Variants in NMNAT3 observed in about 807,000 individuals in gnomAD.
The protein encoded by NMNAT3 is nicotinamide/nicotinic acid mononucleotide adenylyltransferase 3.
In NMNAT3, 21 loss-of-function variants were observed where a neutral mutation model predicts 24.8. The ratio of observed to expected loss-of-function variants is 0.85; its 90% confidence interval spans 0.60 to 1.22. The LOEUF (loss-of-function observed/expected upper bound fraction) is 1.22, where lower values mean the gene tolerates loss of function less well. NMNAT3 is among the 50% of genes most tolerant of loss of function. NMNAT3 has a pLI of 0.00. For synonymous variants in NMNAT3, 136 were observed against 155.2 expected, an observed-to-expected ratio of 0.88 and a Z score of 0.92; for missense variants, 387 against 436.6, an observed-to-expected ratio of 0.89 and a Z score of 1.01.
At chr3:139,631,768 T>C (rs1397420617) in intron 2 of NMNAT3, among the ~76,000 whole-genome samples, 2 of 152,118 alleles carry the variant, frequency 1.3e-5, no homozygotes, top group Non-Finnish European at 2.9e-5. Flanking sequence ...GCCATCCTGA[T>C]GATCTGCCTT....
intron 1 of NMNAT3, among the ~76,000 whole-genome samples, chr3:139,651,812 C>T (rs535692971): frequency 6.6e-6 from 1 of 152,296 alleles, no homozygotes; most frequent in South Asian, 2.1e-4. Flanking sequence ...CCTATTAAAG[C>T]TTCTCCCAGC....
intron 3 of NMNAT3, among the ~76,000 whole-genome samples, chr3:139,616,120 C>T (rs1253833202): frequency 6.6e-6 from 1 of 152,192 alleles, no homozygotes; most frequent in African/African-American, 2.4e-5. Context: ...ACCACTGCTT[C>T]AACAAAGCCA....
intron 1 of NMNAT3, among the ~76,000 whole-genome samples, chr3:139,642,863 A>G (rs1559944357): frequency 6.6e-6 from 1 of 152,066 alleles, no homozygotes; most frequent in African/African-American, 2.4e-5. Flanking sequence ...GGTGACTTAA[A>G]AAACCTGAAT....
At chr3:139,675,413 T>A (rs1310643302) in intron 1 of NMNAT3, among the ~76,000 whole-genome samples, 1 of 152,120 alleles carries the variant, frequency 6.6e-6, no homozygotes, top group East Asian at 1.9e-4. Context: ...TAGAGACACA[T>A]CATCAAAAAG....
chr3:139,674,904 T>C (rs1333411176), intron 1 of NMNAT3, among the ~76,000 whole-genome samples: 2 of 152,214 alleles, frequency 1.3e-5, no homozygotes, highest in Non-Finnish European at 2.9e-5. Context: ...CTTATCTTGC[T>C]TAATGCTCCT....
chr3:139,659,989 C>T lies in NMNAT3; in HGVS notation c.-141+17716G>A, dbSNP rs189862012. Among the ~76,000 whole-genome samples the T allele has an allele frequency of 1.7e-3, 252 of 152,316 alleles. 1 individual carries two copies. The highest frequency in any genetic ancestry group is 2.1e-3 in the Non-Finnish European group (145 of 68,016). On this transcript the variant is annotated intron_variant, in intron 1 of 6. Transcript: ENST00000643695. Reference sequence around the variant, plus strand: ...AGCAACTTGGGTCTTAACAAGCCCTCTTGGTGGTTCTATTTCTTGAAGTTT... The same window carrying T: ...AGCAACTTGGGTCTTAACAAGCCCTTTTGGTGGTTCTATTTCTTGAAGTTT...
chr3:139,606,510 G>A (rs1456080328), intron 3 of NMNAT3, among the ~76,000 whole-genome samples: 1 of 152,140 alleles, frequency 6.6e-6, no homozygotes. Flanking sequence ...CTCCACATAA[G>A]TTAGTATTTC....
In NMNAT3 at chr3:139,561,452, C is replaced by T. The variant is rs1316908327; in HGVS notation, c.659-60G>A. 5.6e-5 allele frequency: 85 copies of T among 1,515,494 alleles called. No individual in the cohort carries two copies. The East Asian group carries it at 1.9e-3, about 34-fold the overall frequency. The allele number at this position is 1,515,494 out of a possible 1,614,324, so 93.9% of individuals were successfully genotyped here. A position where few individuals can be genotyped will look rare whatever the true frequency, so the allele number is the denominator to read the frequency against. ...GAGAGGTCACTGCCAGGAAAGACAACATCATTGGAAAGTCTCACAAAATGC... is the reference window on the plus strand; with the variant it reads ...GAGAGGTCACTGCCAGGAAAGACAATATCATTGGAAAGTCTCACAAAATGC... On this transcript the variant is annotated intron_variant, in intron 6 of 6. Transcript: ENST00000643695.
At chr3:139,591,918 T>C (rs967164441) in intron 3 of NMNAT3, among the ~76,000 whole-genome samples, 7 of 152,174 alleles carry the variant, frequency 4.6e-5, no homozygotes, top group Non-Finnish European at 1.0e-4. Context: ...GCGCCTCTCC[T>C]CCTCCAAAGG....
At chr3:139,606,491 T>G (rs2054950060) in intron 3 of NMNAT3, among the ~76,000 whole-genome samples, 1 of 152,190 alleles carries the variant, frequency 6.6e-6, no homozygotes, top group African/African-American at 2.4e-5. Context: ...AGTGGTATAT[T>G]CTAGATTTCT....
intron 1 of NMNAT3, among the ~76,000 whole-genome samples, chr3:139,666,800 A>C (rs1469346149): frequency 6.6e-6 from 1 of 152,134 alleles, no homozygotes; most frequent in Non-Finnish European, 1.5e-5. Context: ...TCATGAGATC[A>C]ACTCTTTTAG....
chr3:139,660,181 G>T (rs757641036), intron 1 of NMNAT3, among the ~76,000 whole-genome samples: 1 of 152,264 alleles, frequency 6.6e-6, no homozygotes, highest in South Asian at 2.1e-4. Context: ...AGGGTGGGTC[G>T]GTGCCAAGCG....
chr3:139,671,657 C>A (rs114679217), intron 1 of NMNAT3, among the ~76,000 whole-genome samples: 239 of 152,066 alleles, frequency 1.6e-3, no homozygotes, highest in African/African-American at 5.3e-3. Flanking sequence ...CAAGAATGAT[C>A]AACGGCACCA....
intron 1 of NMNAT3, among the ~76,000 whole-genome samples, chr3:139,675,135 T>TACACACACACACAA (rs2057886008): frequency 6.7e-6 from 1 of 148,228 alleles, no homozygotes; most frequent in Non-Finnish European, 1.5e-5. Context: ...CTTTTAAACA[T>TACACACACACACAA]ACACACACAC....
Position 139,560,677 on chromosome 3 carries a change from G to T in NMNAT3, c.*333C>A. The T allele has an allele frequency of 3.7e-6, 1 of 269,646 alleles. No homozygotes were observed. 16.7% of individuals were successfully genotyped at this position (269,646 alleles called of 1,614,324 possible). A position where few individuals can be genotyped will look rare whatever the true frequency, so the allele number is the denominator to read the frequency against. Reference sequence around the variant, plus strand: ...CCCTCAGGGGCCGCTGCCATGCTCAGAACTGCATTCAGCGTGCATGCCATA... The same window carrying T: ...CCCTCAGGGGCCGCTGCCATGCTCATAACTGCATTCAGCGTGCATGCCATA... On this transcript the variant is annotated 3_prime_UTR_variant, in exon 7 of 7. Transcript: ENST00000643695.
At chr3:139,570,789 A>C (rs902101877) in intron 6 of NMNAT3, 7 of 152,822 alleles carry the variant, frequency 4.6e-5, no homozygotes, top group African/African-American at 1.4e-4. Flanking sequence ...CTCGGGGGTC[A>C]GGGACCTACT....
At chr3:139,668,843 A>G (rs937649211) in intron 1 of NMNAT3, among the ~76,000 whole-genome samples, 9 of 152,204 alleles carry the variant, frequency 5.9e-5, no homozygotes, top group African/African-American at 2.2e-4. Flanking sequence ...ATACATAAAC[A>G]CCAGGTATTT....
chr3:139,592,744 A>G (rs1162280084), intron 3 of NMNAT3, among the ~76,000 whole-genome samples: 1 of 152,202 alleles, frequency 6.6e-6, no homozygotes, highest in East Asian at 1.9e-4. Flanking sequence ...AGGAGAAATA[A>G]AATCCTTTAC....
chr3:139,621,574 G>C (rs2108291207), intron 3 of NMNAT3, among the ~76,000 whole-genome samples: 2 of 152,242 alleles, frequency 1.3e-5, no homozygotes, highest in South Asian at 2.1e-4. Flanking sequence ...GTTTTGCCAT[G>C]TTGGCCAGGT....
Sources: allele counts gnomAD v4.1 joint callset (sites outside exome capture counted in the v4.1 genomes callset), GRCh38; gene constraint gnomAD v4.1.1; transcripts MANE v1.5; gene names NCBI Gene and HGNC (gene_info 2026-07-23, HGNC 2026-07-21).